The following SRGAP3 variants were observed in gnomAD, a reference collection of about 807,000 sequenced individuals.
SRGAP3 encodes the protein SLIT-ROBO Rho GTPase activating protein 3, also known as SLIT-ROBO Rho GTPase-activating protein 3.
Under a neutral mutation model 121.1 loss-of-function variants are expected in SRGAP3, and 39 were observed. The ratio of observed to expected loss-of-function variants is 0.32; its 90% CI spans 0.25 to 0.42. The LOEUF (loss-of-function observed/expected upper bound fraction) is 0.42. Among genes scored for constraint, SRGAP3 ranks in the 10% least tolerant of loss-of-function variants. SRGAP3 has a pLI of 1.00. For synonymous variants in SRGAP3, 601 were observed against 570.0 expected (o/e 1.05, Z -0.77); for missense variants, 1,213 against 1,470.6 (o/e 0.82, Z 2.86).
intron 4 of SRGAP3, among the ~76,000 whole-genome samples, chr3:9,076,365 T>C (rs889591928): frequency 2.0e-5 from 3 of 152,162 alleles, no homozygotes; most frequent in Admixed American, 2.0e-4. Context: ...AAATAATATA[T>C]ATAAAATACC....
At chr3:8,998,240 G>A (rs1199789004) in intron 18 of SRGAP3, among the ~76,000 whole-genome samples, 1 of 152,152 alleles carries the variant, frequency 6.6e-6, no homozygotes, top group African/African-American at 2.4e-5. Flanking sequence ...CCTTTACAGG[G>A]CCTTTGTACT....
intron 11 of SRGAP3, chr3:9,036,588 C>T (rs1016118526): frequency 6.6e-6 from 1 of 152,218 alleles, no homozygotes; most frequent in Non-Finnish European, 1.5e-5. Flanking sequence ...CAAAACAAAA[C>T]AAAACACACA....
intron 15 of SRGAP3, chr3:9,014,652 G>C (rs1011090269): frequency 6.6e-6 from 1 of 152,440 alleles, no homozygotes; most frequent in African/African-American, 2.4e-5. Flanking sequence ...GTAGTATGGA[G>C]GTCTGGAAAG....
intron 18 of SRGAP3, among the ~76,000 whole-genome samples, chr3:9,000,931 T>A (rs1942721213): frequency 6.6e-6 from 1 of 152,142 alleles, no homozygotes; most frequent in African/African-American, 2.4e-5. Flanking sequence ...ACCACTGTCA[T>A]CCCACAGAGC....
chr3:9,253,839 G>A (rs556918570), upstream of SRGAP3, among the ~76,000 whole-genome samples: 43 of 152,300 alleles, frequency 2.8e-4, no homozygotes, highest in African/African-American at 9.9e-4. Flanking sequence ...ACCCTGGGAG[G>A]GGACGGAATG....
chr3:9,103,457 T>A (rs531370393), intron 3 of SRGAP3, among the ~76,000 whole-genome samples: 15 of 152,274 alleles, frequency 9.9e-5, no homozygotes, highest in African/African-American at 3.4e-4. Flanking sequence ...TGGGTATTTA[T>A]CTCCATCACC....
intron 18 of SRGAP3, among the ~76,000 whole-genome samples, chr3:9,001,374 C>T (rs1160945327): frequency 6.6e-6 from 1 of 152,090 alleles, no homozygotes; most frequent in Non-Finnish European, 1.5e-5. Flanking sequence ...ATTATCTGTC[C>T]ATCAAAAATT....
At chr3:9,204,924 G>A (rs986994889) in intron 1 of SRGAP3, among the ~76,000 whole-genome samples, 4 of 152,236 alleles carry the variant, frequency 2.6e-5, no homozygotes, top group Admixed American at 2.6e-4. Flanking sequence ...GGACGTTACT[G>A]GCAGCAATGC....
At chr3:9,088,998 G>T (rs1007466567) in intron 3 of SRGAP3, among the ~76,000 whole-genome samples, 7 of 152,078 alleles carry the variant, frequency 4.6e-5, no homozygotes, top group African/African-American at 1.7e-4. Flanking sequence ...TCTCAGGAAA[G>T]GGGTGGCCTC....
chr3:9,347,472 G>A (rs115868388), intron 1 of SRGAP3, among the ~76,000 whole-genome samples: 257 of 152,292 alleles, frequency 1.7e-3, no homozygotes, highest in African/African-American at 6.0e-3. Flanking sequence ...GCAGGGCTAC[G>A]AGGTCTGAGC....
intron 3 of SRGAP3, among the ~76,000 whole-genome samples, chr3:9,262,606 A>G (rs933696450): frequency 1.3e-5 from 2 of 151,752 alleles, no homozygotes; most frequent in Admixed American, 6.6e-5. Flanking sequence ...AAACCAACAA[A>G]TATCAAAAAA....
chr3:9,066,437 A>T (rs1946433297), intron 4 of SRGAP3, among the ~76,000 whole-genome samples: 1 of 152,128 alleles, frequency 6.6e-6, no homozygotes, highest in Non-Finnish European at 1.5e-5. Context: ...CCAACCCTAA[A>T]ATCTTATTCC....
chr3:9,117,113 C>A (rs1948832833), intron 2 of SRGAP3, among the ~76,000 whole-genome samples: 1 of 152,224 alleles, frequency 6.6e-6, no homozygotes, highest in Non-Finnish European at 1.5e-5. Context: ...TAGCTTGATA[C>A]CAATCGCAGT....
chr3:9,009,166 T>C (rs1391365560), intron 18 of SRGAP3, among the ~76,000 whole-genome samples: 1 of 152,182 alleles, frequency 6.6e-6, no homozygotes, highest in Non-Finnish European at 1.5e-5. Context: ...GCAACTGAAA[T>C]AGTCCTACTA....
chr3:9,098,002 C>T (rs1948058104), intron 3 of SRGAP3, among the ~76,000 whole-genome samples: 1 of 152,184 alleles, frequency 6.6e-6, no homozygotes, highest in Non-Finnish European at 1.5e-5. Context: ...GAAATACAGT[C>T]TCAGAGCTGG....
chr3:9,038,043 C>G lies in SRGAP3; in HGVS notation c.1436+20G>C, dbSNP rs546058237. On this transcript the variant is annotated intron_variant, in intron 11 of 21. Coordinates refer to ENST00000383836, the MANE Select transcript of SRGAP3 (RefSeq NM_014850.4). ...ACCTCGGGCAGCAGATGAAAGAAAA[C>G]ACAACTCTCCCACTCTCACCTGGTG... 6.2e-7 allele frequency: 1 copy of G among 1,614,202 alleles called. No homozygotes were observed. Among genetic ancestry groups the G allele is most frequent in the Non-Finnish European group, 8.5e-7 (1 of 1,180,012 alleles).
intron 1 of SRGAP3, among the ~76,000 whole-genome samples, chr3:9,146,510 G>C (rs940341401): frequency 1.3e-5 from 2 of 152,186 alleles, no homozygotes; most frequent in Admixed American, 1.3e-4. Flanking sequence ...GAGAAGAAGT[G>C]GCCTCTAAGT....
intron 9 of SRGAP3, among the ~76,000 whole-genome samples, chr3:9,052,342 T>C (rs894914830): frequency 4.6e-5 from 7 of 152,038 alleles, no homozygotes; most frequent in African/African-American, 1.5e-4. Flanking sequence ...CCAGGCACAA[T>C]GCAAACAAAA....
chr3:9,227,921 C>T (rs936531136), intron 1 of SRGAP3, among the ~76,000 whole-genome samples: 3 of 152,238 alleles, frequency 2.0e-5, no homozygotes, highest in East Asian at 3.9e-4. Flanking sequence ...GAAGTAATGA[C>T]AGGGAGTCTC....
Sources: allele counts gnomAD v4.1 joint callset (sites outside exome capture counted in the v4.1 genomes callset), GRCh38; gene constraint gnomAD v4.1.1; transcripts MANE v1.5; gene names NCBI Gene and HGNC (gene_info 2026-07-23, HGNC 2026-07-21).